Variants in CHRM3 observed in about 807,000 individuals in gnomAD.
CHRM3 encodes the protein cholinergic receptor muscarinic 3, also known as muscarinic acetylcholine receptor M3.
In CHRM3, 11 loss-of-function variants were observed where a neutral mutation model predicts 41.8. That is an observed-to-expected ratio of 0.26 (90% confidence interval 0.17 to 0.44). The LOEUF (loss-of-function observed/expected upper bound fraction) is 0.44, where lower values mean the gene tolerates loss of function less well. Among genes scored for constraint, CHRM3 ranks in the 20% least tolerant of loss-of-function variants. CHRM3 has a pLI of 1.00. For synonymous variants in CHRM3, 297 were observed against 301.4 expected, an observed-to-expected ratio of 0.99 and a Z score of 0.15; for missense variants, 571 against 745.4, an observed-to-expected ratio of 0.77 and a Z score of 2.72.
At chr1:239,537,930 T>A (rs1658366464) in intron 2 of CHRM3, among the ~76,000 whole-genome samples, 1 of 152,206 alleles carries the variant, frequency 6.6e-6, no homozygotes, top group African/African-American at 2.4e-5. Flanking sequence ...CTATGAAATA[T>A]GGATACTATT....
Position 239,592,333 on chromosome 1 carries a change from A to G in CHRM3, c.-312-39891A>G, listed in dbSNP as rs529472198. ...CTTGTGACCTTATGATATTTTTTCC[A>G]TTTAAAATGTACAATTTAGTGGTGT... On this transcript the variant is annotated intron_variant, in intron 3 of 6. Coordinates refer to ENST00000676153, the MANE Select transcript of CHRM3 (RefSeq NM_001375978.1). Among the ~76,000 whole-genome samples, 5 of 152,202 alleles carry G rather than the reference A, an allele frequency of 3.3e-5. No homozygotes were observed. In the East Asian group the frequency reaches 9.7e-4, roughly 29 times the overall value.
rs1352035343 is a variant in CHRM3 at position 239,911,839 on chromosome 1, A to G, written c.*2615A>G. 1 of 166,966 alleles carries G rather than the reference A, an allele frequency of 6.0e-6. No individual in the cohort carries two copies. The highest frequency in any genetic ancestry group is 2.4e-5 in the African/African-American group (1 of 41,454). The allele number at this position is 166,966 out of a possible 1,614,324, so 10.3% of individuals were successfully genotyped here. ...TGTCCATTTCTTGGGTCACTTTCAG[A>G]GAAAGAAAACAAGCAAAATAGGTTC... On this transcript the variant is annotated 3_prime_UTR_variant, in exon 7 of 7. Coordinates refer to ENST00000676153, the MANE Select transcript of CHRM3 (RefSeq NM_001375978.1).
Position 239,839,793 on chromosome 1 carries a change from G to A in CHRM3, c.-20+12415G>A, listed in dbSNP as rs952433614. Among the ~76,000 whole-genome samples the A allele has an allele frequency of 4.0e-5, 6 of 150,384 alleles. No individual in the cohort carries two copies. The East Asian group carries it at 9.7e-4, about 24-fold the overall frequency. On this transcript the variant is annotated intron_variant, in intron 6 of 6. Transcript: ENST00000676153. ...TGGGACATTTACTATTACATTCAGT[G>A]GCGGGGCGGGGGGGGAGCGGGGAAG... is the stretch of plus-strand genomic sequence containing the variant.
chr1:239,837,230 TTTG>T (rs1192926496), intron 6 of CHRM3, among the ~76,000 whole-genome samples: 2,527 of 152,294 alleles, frequency 0.017, 77 homozygotes, highest in African/African-American at 0.058. Context: ...ATGCTTGCCC[TTTG>T]AAGAGTCTGT....
At position 239,913,092 on chromosome 1, in the gene CHRM3, G is replaced by T. The variant is rs1202012985; in HGVS notation, c.*3868G>T. The stretch of plus-strand genomic sequence containing the variant: ...ATTGGGTGAATGTTTGAAAATTTCA[G>T]ATTTTATATTCTGTAAAGTTATTTA... On this transcript the variant is annotated 3_prime_UTR_variant, in exon 7 of 7. Transcript: ENST00000676153. 1 of 167,016 alleles carries T rather than the reference G, an allele frequency of 6.0e-6. No individual in the cohort carries two copies. The highest frequency in any genetic ancestry group is 1.5e-5 in the Non-Finnish European group (1 of 68,098). The allele number at this position is 167,016 out of a possible 1,614,324, so 10.3% of individuals were successfully genotyped here.
intron 3 of CHRM3, among the ~76,000 whole-genome samples, chr1:239,550,084 T>C (rs1228321754): frequency 4.6e-5 from 7 of 152,004 alleles, no homozygotes; most frequent in African/African-American, 1.7e-4. Flanking sequence ...CTCTCACATG[T>C]TGGCTGCCAA....
intron 4 of CHRM3, among the ~76,000 whole-genome samples, chr1:239,640,097 G>A (rs1430281454): frequency 6.6e-6 from 1 of 151,754 alleles, no homozygotes; most frequent in African/African-American, 2.4e-5. Context: ...AACCAGCCTT[G>A]CATCCCAGGG....
chr1:239,487,862 A>G (rs1473642190), intron 1 of CHRM3, among the ~76,000 whole-genome samples: 1 of 145,824 alleles, frequency 6.9e-6, no homozygotes, highest in Non-Finnish European at 1.5e-5. Context: ...ATTTGCAAAA[A>G]AAAAAAACAA....
chr1:239,842,979 G>C (rs1029058762), intron 6 of CHRM3, among the ~76,000 whole-genome samples: 1 of 152,092 alleles, frequency 6.6e-6, no homozygotes. Context: ...GAGCTTTGCT[G>C]TGATCATCTT....
At chr1:239,540,470 C>T in intron 2 of CHRM3, among the ~76,000 whole-genome samples, 1 of 152,202 alleles carries the variant, frequency 6.6e-6, no homozygotes, top group East Asian at 1.9e-4. Flanking sequence ...ACTAAAACAA[C>T]AGTAATTTAT....
Position 239,661,938 on chromosome 1 carries a change from C to T in CHRM3, c.-249-16248C>T, listed in dbSNP as rs1248550542. Among the ~76,000 whole-genome samples the T allele has an allele frequency of 2.0e-5, 3 of 151,948 alleles. No individual in the cohort carries two copies. In the South Asian group the frequency reaches 6.2e-4, roughly 32 times the overall value. On this transcript the variant is annotated intron_variant, in intron 4 of 6. Coordinates refer to ENST00000676153, the MANE Select transcript of CHRM3 (RefSeq NM_001375978.1). ...AAAGGAAAGATAGTTTATAGGAACT[C>T]TCTGTAGTTTCTGTTCTACTTTTCT... is the stretch of plus-strand genomic sequence containing the variant.
intron 1 of CHRM3, among the ~76,000 whole-genome samples, chr1:239,435,255 G>T (rs531343186): frequency 2.0e-4 from 30 of 152,158 alleles, no homozygotes; most frequent in East Asian, 9.7e-4. Flanking sequence ...TTTGAGACCA[G>T]CCTGGCCAAT....
intron 1 of CHRM3, among the ~76,000 whole-genome samples, chr1:239,474,035 A>C (rs1666308267): frequency 6.6e-6 from 1 of 152,052 alleles, no homozygotes; most frequent in Non-Finnish European, 1.5e-5. Context: ...TGAAGGGCTG[A>C]GTGTTGAGCA....
At chr1:239,901,905 C>A (rs1295246142) in intron 6 of CHRM3, among the ~76,000 whole-genome samples, 1 of 152,052 alleles carries the variant, frequency 6.6e-6, no homozygotes, top group Non-Finnish European at 1.5e-5. Flanking sequence ...GGTGTACATG[C>A]CTTTTCAGTT....
intron 4 of CHRM3, among the ~76,000 whole-genome samples, chr1:239,639,103 G>T (rs565729381): frequency 1.7e-3 from 253 of 151,908 alleles, no homozygotes; most frequent in African/African-American, 5.9e-3. Context: ...TGAGGGCTCT[G>T]TTCTGTTCCA....
At chr1:239,674,515 C>T (rs1428277148) in intron 4 of CHRM3, among the ~76,000 whole-genome samples, 1 of 151,878 alleles carries the variant, frequency 6.6e-6, no homozygotes, top group African/African-American at 2.4e-5. Context: ...CGAGACCATC[C>T]TGGCTAACAC....
chr1:239,710,985 T>G (rs541098089), intron 5 of CHRM3, among the ~76,000 whole-genome samples: 1 of 152,170 alleles, frequency 6.6e-6, no homozygotes, highest in South Asian at 2.1e-4. Flanking sequence ...TCAAAACTAT[T>G]TGACAACTCT....
chr1:239,629,684 T>C (rs1304322258), intron 3 of CHRM3: 2 of 152,208 alleles, frequency 1.3e-5, no homozygotes, highest in East Asian at 3.8e-4. Flanking sequence ...AAAACCACAA[T>C]ATTTCCAAGG....
At chr1:239,778,449 G>A (rs1668269338) in intron 5 of CHRM3, among the ~76,000 whole-genome samples, 1 of 152,104 alleles carries the variant, frequency 6.6e-6, no homozygotes, top group South Asian at 2.1e-4. Context: ...ACAGCATCTG[G>A]CTGTAAGTTC....
Sources: gnomAD v4.1 joint callset for allele counts (sites outside exome capture counted in the v4.1 genomes callset) on GRCh38, gnomAD v4.1.1 for gene constraint, MANE v1.5 for transcripts, NCBI Gene and HGNC (gene_info 2026-07-23, HGNC 2026-07-21) for gene names.